HOTAIR: variants seen among roughly 807,000 people sequenced by gnomAD.
HOTAIR encodes the protein HOX transcript antisense RNA (non-protein coding).
At chr12:53,974,581 G>A (rs1565714761) in intron 1 of HOTAIR, among the ~76,000 whole-genome samples, 2 of 152,132 alleles carry the variant, frequency 1.3e-5, no homozygotes, top group Non-Finnish European at 2.9e-5. Flanking sequence ...CGTTCCAGGC[G>A]GGGGTCTGGG....
At chr12:53,974,018 C>T in intron 1 of HOTAIR, 3 of 1,126,104 alleles carry the variant, frequency 2.7e-6, no homozygotes, top group Non-Finnish European at 3.6e-6. Context: ...GCGGGGACGG[C>T]CTCGTGTTTT....
At chr12:53,968,333 C>T (rs1939090762) in intron 2 of HOTAIR, 1 of 152,344 alleles carries the variant, frequency 6.6e-6, no homozygotes, top group Admixed American at 6.5e-5. Flanking sequence ...CACAAACACC[C>T]CACAGAGCCA....
chr12:53,966,883 A>G (rs899520287), intron 3 of HOTAIR, among the ~76,000 whole-genome samples: 1 of 152,228 alleles, frequency 6.6e-6, no homozygotes, highest in Non-Finnish European at 1.5e-5. Flanking sequence ...GGCGGTGGGC[A>G]GTGGGCAGGC....
chr12:53,972,028 G>A (rs1238024859), intron 1 of HOTAIR, among the ~76,000 whole-genome samples: 1 of 152,148 alleles, frequency 6.6e-6, no homozygotes, highest in Non-Finnish European at 1.5e-5. Flanking sequence ...AGCATCCACC[G>A]CTCCTTTCCA....
rs745410942 is a variant in HOTAIR, at chr12:53,973,285, G to T, written n.59+1613C>A. 4.2e-5 allele frequency: 68 copies of T among 1,613,394 alleles called. No individual in the cohort carries two copies. The Admixed American group carries it at 9.3e-4, about 22-fold the overall frequency. The stretch of plus-strand genomic sequence containing the variant: ...CTGGGCAACTTCTGCTCTCCGTCGC[G>T]CAAGGAGAGGGGCGCAGATTTCGGC... On this transcript the variant is annotated intron_variant and non_coding_transcript_variant, in intron 1 of 6. Coordinates refer to ENST00000424518, the Ensembl canonical transcript of HOTAIR. This position sits in a 1 kb window ranked among gnomAD's most constrained non-coding sequence, Gnocchi z 4.3.
intron 1 of HOTAIR, chr12:53,968,792 G>A (rs1939102108): frequency 1.4e-5 from 2 of 143,898 alleles, no homozygotes; most frequent in Non-Finnish European, 3.1e-5. Flanking sequence ...TCTTGCTGGG[G>A]GCAAAAGATT....
rs1395178990 is a variant in HOTAIR at position 53,973,817 on chromosome 12, G to A, written n.59+1081C>T. On this transcript the variant is annotated intron_variant and non_coding_transcript_variant, in intron 1 of 6. Coordinates refer to ENST00000424518, the Ensembl canonical transcript of HOTAIR. This position sits in a 1 kb window ranked among gnomAD's most constrained non-coding sequence, Gnocchi z 4.3. ...CCCCGGCCTCGGGACTGGCGTCCCGGGCTGAGGCGGGTGCCGAGGCGGAGG... is the reference window on the plus strand; with the variant it reads ...CCCCGGCCTCGGGACTGGCGTCCCGAGCTGAGGCGGGTGCCGAGGCGGAGG... The A allele has an allele frequency of 6.5e-7, 1 of 1,540,878 alleles. No homozygotes were observed. Among genetic ancestry groups the A allele is most frequent in the Non-Finnish European group, 8.7e-7 (1 of 1,148,550 alleles).
intron 1 of HOTAIR, chr12:53,974,792 T>G: frequency 2.4e-5 from 4 of 165,928 alleles, no homozygotes; most frequent in Middle Eastern, 2.8e-3. Context: ...TCCCCCCAGA[T>G]TTCTGGGGGA....
At position 53,973,908 on chromosome 12, in the gene HOTAIR, A is replaced by C. The variant is rs1161543990; in HGVS notation, n.59+990T>G. 2.8e-6 allele frequency: 4 copies of C among 1,442,320 alleles called. No homozygotes were observed. In the African/African-American group the frequency reaches 5.8e-5, roughly 21 times the overall value. 89.3% of individuals were successfully genotyped at this position (1,442,320 alleles called of 1,614,324 possible). On this transcript the variant is annotated intron_variant and non_coding_transcript_variant, in intron 1 of 6. Transcript: ENST00000424518. The surrounding 1 kb of genome is among the most constrained non-coding windows in gnomAD (Gnocchi z 4.3). ...CCACTCCGTGGCCAAGGAGCCGGCC[A>C]AAGGAGCCGCCCCCAGTAGGTAGCA...
Position 53,973,408 on chromosome 12 carries a change from C to G in HOTAIR, n.59+1490G>C, listed in dbSNP as rs761527831. ...TCCTCCTTCCTGCCCCAGGCCCCCTCTCGTCAGATCTCCTATCCCTACTCG... is the reference window on the plus strand; with the variant it reads ...TCCTCCTTCCTGCCCCAGGCCCCCTGTCGTCAGATCTCCTATCCCTACTCG... On this transcript the variant is annotated intron_variant and non_coding_transcript_variant, in intron 1 of 6. Transcript: ENST00000424518. This position sits in a 1 kb window ranked among gnomAD's most constrained non-coding sequence, Gnocchi z 4.3. The G allele has an allele frequency of 6.2e-7, 1 of 1,614,234 alleles. No homozygotes were observed. The highest frequency in any genetic ancestry group is 1.1e-5 in the South Asian group (1 of 91,086).
intron 1 of HOTAIR, among the ~76,000 whole-genome samples, chr12:53,972,320 A>T (rs995062092): frequency 2.0e-5 from 3 of 152,254 alleles, no homozygotes; most frequent in African/African-American, 7.2e-5. Context: ...GATTGACAAT[A>T]AAGGCAGGCA....
intron 1 of HOTAIR, chr12:53,968,900 T>C (rs1169056744): frequency 1.3e-5 from 2 of 152,252 alleles, no homozygotes; most frequent in Non-Finnish European, 2.9e-5. Context: ...TTCTTTTTCC[T>C]TTTGGATTGA....
chr12:53,973,364 G>T lies in HOTAIR; in HGVS notation n.59+1534C>A, dbSNP rs1472293138. The T allele has an allele frequency of 9.9e-6, 16 of 1,611,894 alleles. No homozygotes were observed. Among genetic ancestry groups the T allele is most frequent in the Non-Finnish European group, 1.4e-5 (16 of 1,179,216 alleles). On this transcript the variant is annotated intron_variant and non_coding_transcript_variant, in intron 1 of 6. Transcript: ENST00000424518. This position sits in a 1 kb window ranked among gnomAD's most constrained non-coding sequence, Gnocchi z 4.3. ...ATCTGCCCAGTTGCACTTACTACATGCCCGAGTTCTCCACGGTCTCCTCCT... is the reference window on the plus strand; with the variant it reads ...ATCTGCCCAGTTGCACTTACTACATTCCCGAGTTCTCCACGGTCTCCTCCT...
intron 1 of HOTAIR, among the ~76,000 whole-genome samples, chr12:53,972,844 G>A (rs1939170168): frequency 6.6e-6 from 1 of 152,064 alleles, no homozygotes; most frequent in Admixed American, 6.5e-5. Flanking sequence ...AAGAGCAGCA[G>A]CTAGAAAAAA....
chr12:53,970,287 G>GATAA (rs1286802140), intron 1 of HOTAIR, among the ~76,000 whole-genome samples: 1 of 152,218 alleles, frequency 6.6e-6, no homozygotes, highest in African/African-American at 2.4e-5. Context: ...AGGGATTGGG[G>GATAA]GCCAGGGATG....
chr12:53,973,494 CA>C lies in HOTAIR; in HGVS notation n.59+1403del. ...CCTGGAGCCATCCGGCAAGTGGCAC[CA>C]TCGGAACAGCTACTCCTCCTGCTAT... is the stretch of plus-strand genomic sequence containing the variant. On this transcript the variant is annotated intron_variant and non_coding_transcript_variant, in intron 1 of 6. Coordinates refer to ENST00000424518, the Ensembl canonical transcript of HOTAIR. This position sits in a 1 kb window ranked among gnomAD's most constrained non-coding sequence, Gnocchi z 4.3. 6.2e-7 allele frequency: 1 copy of C among 1,614,136 alleles called. No homozygotes were observed. The highest frequency in any genetic ancestry group is 8.5e-7 in the Non-Finnish European group (1 of 1,180,036).
chr12:53,972,785 G>A (rs1939168979), intron 1 of HOTAIR, among the ~76,000 whole-genome samples: 1 of 152,098 alleles, frequency 6.6e-6, no homozygotes, highest in African/African-American at 2.4e-5. Context: ...GAGGAGGCAA[G>A]ACCCCCATAC....
chr12:53,962,466 T>C (rs543594797), exon 7 of HOTAIR: 4 of 152,344 alleles, frequency 2.6e-5, no homozygotes, highest in African/African-American at 7.2e-5. Context: ...CAGATATTAA[T>C]ATATCTACAT....
chr12:53,970,956 C>T (rs1246950923), intron 1 of HOTAIR, among the ~76,000 whole-genome samples: 1 of 152,154 alleles, frequency 6.6e-6, no homozygotes, highest in Non-Finnish European at 1.5e-5. Context: ...CTCGAGCCCT[C>T]ATCCACACCT....
Sources: gnomAD v4.1 joint callset for allele counts (sites outside exome capture counted in the v4.1 genomes callset) on GRCh38, gnomAD v4.1.1 for gene constraint, Gnocchi (gnomAD v3.1) non-coding constraint, MANE v1.5 for transcripts, NCBI Gene and HGNC (gene_info 2026-07-23, HGNC 2026-07-21) for gene names.